The following UNC79 variants were observed in gnomAD, a reference collection of about 807,000 sequenced individuals.
The protein encoded by UNC79 is protein unc-79 homolog.
UNC79 carries 37 observed loss-of-function variants against 283.1 expected under a neutral mutation model. The ratio of observed to expected loss-of-function variants is 0.13; its 90% CI spans 0.10 to 0.17. The LOEUF (loss-of-function observed/expected upper bound fraction) is 0.17. Among genes scored for constraint, UNC79 ranks in the 10% least tolerant of loss-of-function variants. The probability of loss-of-function intolerance (pLI) is 1.00; values close to 1 mark genes in which losing one functional copy is unlikely to be tolerated. For missense variants in UNC79, 2,272 were observed against 3,211.1 expected (o/e 0.71, Z 7.07); for synonymous variants, 1,107 against 1,200.2 (o/e 0.92, Z 1.61).
chr14:93,687,476 G>T (rs1239960586), intron 43 of UNC79, among the ~76,000 whole-genome samples: 2 of 152,138 alleles, frequency 1.3e-5, no homozygotes, highest in Non-Finnish European at 2.9e-5. Flanking sequence ...CCAAGGAGCA[G>T]CCAAATTGCA....
intron 26 of UNC79, 86 bp from the exon 27 acceptor site, chr14:93,604,810 A>G: frequency 2.3e-6 from 3 of 1,301,218 alleles, no homozygotes. Flanking sequence ...TGCCCCTACT[A>G]TCCCATAAAG....
rs1189445526 is a variant in UNC79 at position 93,705,141 on chromosome 14, G to A, written c.7590+475G>A. 3.9e-5 allele frequency among the ~76,000 whole-genome samples: 6 copies of A among 151,928 alleles called. No homozygotes were observed. In the East Asian group the frequency reaches 1.2e-3, roughly 29 times the overall value. ...TTCTAGCTACTTAGGAGGCTGAGGTGGGAGGATCACTTGGAAGCCCAGGAG... is the reference window on the plus strand; with the variant it reads ...TTCTAGCTACTTAGGAGGCTGAGGTAGGAGGATCACTTGGAAGCCCAGGAG... On this transcript the variant is annotated intron_variant, in intron 48 of 48. Transcript: ENST00000555664.
At chr14:93,421,988 G>A (rs1044572470) in intron 1 of UNC79, among the ~76,000 whole-genome samples, 5 of 151,670 alleles carry the variant, frequency 3.3e-5, no homozygotes, top group Non-Finnish European at 5.9e-5. Flanking sequence ...TTATAAAACT[G>A]GGTATAGAAG....
chr14:93,510,170 G>C (rs894015211), intron 7 of UNC79, among the ~76,000 whole-genome samples: 2 of 152,184 alleles, frequency 1.3e-5, no homozygotes, highest in Non-Finnish European at 2.9e-5. Flanking sequence ...ACAGTGTCCT[G>C]AGGTTGTGCA....
intron 1 of UNC79, among the ~76,000 whole-genome samples, chr14:93,465,990 A>G (rs1232510360): frequency 6.6e-6 from 1 of 152,224 alleles, no homozygotes; most frequent in Non-Finnish European, 1.5e-5. Flanking sequence ...TGAATAGCAG[A>G]TCAAAAACAC....
At chr14:93,542,496 C>T (rs377250848) in exon 14 of UNC79, 2 of 1,614,026 alleles carry the variant, frequency 1.2e-6, no homozygotes, top group Non-Finnish European at 1.7e-6. Context: ...TGAGAACACG[C>T]CTACAGAAAG....
intron 46 of UNC79, among the ~76,000 whole-genome samples, chr14:93,693,607 G>T (rs553156165): frequency 1.3e-5 from 2 of 152,296 alleles, no homozygotes; most frequent in African/African-American, 2.4e-5. Flanking sequence ...TTGAACTGTC[G>T]TAAGCATGGC....
intron 1 of UNC79, among the ~76,000 whole-genome samples, chr14:93,359,877 T>C (rs930898708): frequency 6.6e-6 from 1 of 152,126 alleles, no homozygotes; most frequent in Non-Finnish European, 1.5e-5. Flanking sequence ...CTTTTTCCCA[T>C]CCTTCCCCAC....
At chr14:93,674,347 C>T (rs1332005694) in intron 41 of UNC79, among the ~76,000 whole-genome samples, 1 of 152,066 alleles carries the variant, frequency 6.6e-6, no homozygotes, top group African/African-American at 2.4e-5. Flanking sequence ...GAGGCTTAGG[C>T]AGGATGGTGG....
At chr14:93,527,039 C>T (rs1335283839) in intron 8 of UNC79, among the ~76,000 whole-genome samples, 1 of 152,164 alleles carries the variant, frequency 6.6e-6, no homozygotes, top group East Asian at 1.9e-4. Flanking sequence ...TAATAGGCTG[C>T]AAAAAAGTAC....
At chr14:93,681,821 C>A (rs2073867853) in intron 41 of UNC79, among the ~76,000 whole-genome samples, 1 of 152,280 alleles carries the variant, frequency 6.6e-6, no homozygotes, top group Admixed American at 6.5e-5. Context: ...TGAGAAACAC[C>A]TGTCAAAATC....
intron 30 of UNC79, among the ~76,000 whole-genome samples, chr14:93,623,753 C>T (rs769782705): frequency 6.6e-6 from 1 of 152,234 alleles, no homozygotes; most frequent in Admixed American, 6.5e-5. Flanking sequence ...ATTAGTTGGG[C>T]GTGGTGGCGC....
chr14:93,463,025 G>A (rs989658262), intron 1 of UNC79, among the ~76,000 whole-genome samples: 8 of 152,092 alleles, frequency 5.3e-5, no homozygotes, highest in Non-Finnish European at 1.2e-4. Flanking sequence ...GGAGAATATT[G>A]AGAGAGAGGA....
At position 93,690,490 on chromosome 14, in the gene UNC79, C is replaced by A; in HGVS notation, c.7272+187C>A. 1 of 589,056 alleles carries A rather than the reference C, an allele frequency of 1.7e-6. No homozygotes were observed. 36.5% of individuals were successfully genotyped at this position (589,056 alleles called of 1,614,324 possible). On this transcript the variant is annotated intron_variant, in intron 45 of 48. Coordinates refer to ENST00000555664, the Ensembl canonical transcript of UNC79. This position sits in a 1 kb window ranked among gnomAD's most constrained non-coding sequence, Gnocchi z 4.3. ...TAGATTCCCAGACTGTCTTTCCCCCCGCCCCCAAATTGTTTTTCGGCTTAC... is the reference window on the plus strand; with the variant it reads ...TAGATTCCCAGACTGTCTTTCCCCCAGCCCCCAAATTGTTTTTCGGCTTAC...
chr14:93,394,707 A>G (rs2054958178), intron 1 of UNC79, among the ~76,000 whole-genome samples: 3 of 151,662 alleles, frequency 2.0e-5, no homozygotes, highest in South Asian at 4.2e-4. Context: ...GCACCCGGCC[A>G]TTTTATGTTT....
intron 7 of UNC79, among the ~76,000 whole-genome samples, chr14:93,507,523 A>G (rs760860149): frequency 7.9e-5 from 12 of 152,138 alleles, no homozygotes; most frequent in Non-Finnish European, 1.5e-4. Flanking sequence ...CTTATGAAGT[A>G]CCTGAGAAAG....
chr14:93,554,924 G>T (rs1326962044), intron 14 of UNC79, among the ~76,000 whole-genome samples: 1 of 152,254 alleles, frequency 6.6e-6, no homozygotes, highest in East Asian at 1.9e-4. Flanking sequence ...CAGAGCCTGG[G>T]AACTACAGGT....
At chr14:93,437,358 A>G (rs932188208) in intron 1 of UNC79, 9 of 152,288 alleles carry the variant, frequency 5.9e-5, no homozygotes, top group Non-Finnish European at 1.0e-4. Flanking sequence ...TATTTCTTCA[A>G]TGTTCCTCAA....
intron 27 of UNC79, among the ~76,000 whole-genome samples, chr14:93,615,199 G>A (rs1329612384): frequency 1.3e-5 from 2 of 152,146 alleles, no homozygotes; most frequent in African/African-American, 4.8e-5. Context: ...TCTCATGGTA[G>A]GAACTCAATA....
Sources: gnomAD v4.1 joint callset for allele counts (sites outside exome capture counted in the v4.1 genomes callset) on GRCh38, gnomAD v4.1.1 for gene constraint, Gnocchi (gnomAD v3.1) non-coding constraint, MANE v1.5 for transcripts, NCBI Gene and HGNC (gene_info 2026-07-23, HGNC 2026-07-21) for gene names.